SPOCK1: variants seen among roughly 807,000 people sequenced by gnomAD.
SPOCK1 encodes the protein SPARC (osteonectin), cwcv and kazal like domains proteoglycan 1.
SPOCK1 carries 23 observed loss-of-function variants against 55.3 expected under a neutral mutation model. The observed-to-expected ratio is 0.42, with a 90% confidence interval of 0.30 to 0.59. SPOCK1 has a LOEUF of 0.59. SPOCK1 is among the 20% of genes least tolerant of loss of function. SPOCK1 has a pLI of 0.22. For missense variants in SPOCK1, 499 were observed against 552.5 expected, an observed-to-expected ratio of 0.90 and a Z score of 0.97; for synonymous variants, 226 against 221.0, an observed-to-expected ratio of 1.02 and a Z score of -0.20.
intron 3 of SPOCK1, 103 bp downstream of exon 3, chr5:137,266,907 C>T (rs1756866124): frequency 4.1e-6 from 4 of 986,780 alleles, no homozygotes; most frequent in Non-Finnish European, 6.2e-6. Context: ...TAAAATAACA[C>T]CGCTAGCTGG....
intron 4 of SPOCK1, among the ~76,000 whole-genome samples, chr5:137,114,104 CCCACA>C (rs1753528785): frequency 1.3e-5 from 2 of 152,200 alleles, no homozygotes; most frequent in African/African-American, 2.4e-5. Flanking sequence ...TCAACAGGTA[CCCACA>C]GCACAGCACA....
At chr5:137,032,718 G>T (rs1751804975) in intron 6 of SPOCK1, among the ~76,000 whole-genome samples, 1 of 152,160 alleles carries the variant, frequency 6.6e-6, no homozygotes, top group Admixed American at 6.5e-5. Context: ...AAGTAGCTGA[G>T]GATTTAGCCA....
chr5:137,122,117 A>G (rs886282897), intron 4 of SPOCK1, among the ~76,000 whole-genome samples: 2 of 151,958 alleles, frequency 1.3e-5, no homozygotes, highest in Non-Finnish European at 2.9e-5. Flanking sequence ...TTCCATTAAG[A>G]GAGTGACAGA....
At chr5:137,401,558 C>CAAAAAAAAAAAA in intron 2 of SPOCK1, among the ~76,000 whole-genome samples, 1 of 100,450 alleles carries the variant, frequency 1.0e-5, no homozygotes, top group Non-Finnish European at 1.9e-5. Flanking sequence ...CTCATCTCTA[C>CAAAAAAAAAAAA]AAAAAAAAAA....
rs115083754 is a variant in SPOCK1 at position 137,063,837 on chromosome 5, G to A, written c.589+3878C>T. 5.1e-3 allele frequency among the ~76,000 whole-genome samples: 774 copies of A among 152,288 alleles called. 5 individuals carry two copies. Among genetic ancestry groups the A allele is most frequent in the African/African-American group, 0.018 (748 of 41,558 alleles). ...ACTGTACTCTGCATTGAATAGAAAC[G>A]GTTGCCAGGCACCTCTAAAAGAACC... On this transcript the variant is annotated intron_variant, in intron 6 of 10. Coordinates refer to ENST00000394945, the MANE Select transcript of SPOCK1 (RefSeq NM_004598.4).
rs1438247070 is a variant in SPOCK1, at chr5:137,435,777, C to T, written c.186+62596G>A. Among the ~76,000 whole-genome samples, 10 of 151,134 alleles carry T rather than the reference C, an allele frequency of 6.6e-5. No individual in the cohort carries two copies. In the South Asian group the frequency reaches 1.9e-3, roughly 28 times the overall value. On this transcript the variant is annotated intron_variant, in intron 2 of 10. Transcript: ENST00000394945. ...TATTTCTATATTAACAAAATTAATG[C>T]TTTGTTGCATGTGTTTTTCTTAGAT...
chr5:137,449,534 C>G (rs528784306), intron 2 of SPOCK1, among the ~76,000 whole-genome samples: 1 of 152,214 alleles, frequency 6.6e-6, no homozygotes, highest in Admixed American at 6.5e-5. Context: ...AATTTTAGAG[C>G]CTCTTGCCTC....
At chr5:137,303,731 G>A (rs1244795234) in intron 2 of SPOCK1, among the ~76,000 whole-genome samples, 2 of 152,198 alleles carry the variant, frequency 1.3e-5, no homozygotes, top group Non-Finnish European at 2.9e-5. Flanking sequence ...GGGAACCTAG[G>A]AGTGGGCTCC....
intron 2 of SPOCK1, among the ~76,000 whole-genome samples, chr5:137,361,057 C>CCCATTAAGG (rs1400898274): frequency 6.6e-6 from 1 of 152,010 alleles, no homozygotes; most frequent in East Asian, 1.9e-4. Flanking sequence ...AGGGTGCTGC[C>CCCATTAAGG]CCATTAAGGG....
Position 137,383,145 on chromosome 5 carries a change from G to T in SPOCK1, c.186+115228C>A, listed in dbSNP as rs114433575. ...GAGTCCTTAGATTAGTCACTTAAGA[G>T]TTAAGCCCTCAAACCCTTTTTCCTA... On this transcript the variant is annotated intron_variant, in intron 2 of 10. Transcript: ENST00000394945. Among the ~76,000 whole-genome samples the T allele has an allele frequency of 3.8e-3, 571 of 152,210 alleles. 6 individuals are homozygous for T. The highest frequency in any genetic ancestry group is 0.013 in the African/African-American group (544 of 41,522).
At chr5:137,498,610 G>T in intron 1 of SPOCK1, 52 bp from the exon 2 acceptor site, 3 of 1,255,762 alleles carry the variant, frequency 2.4e-6, no homozygotes, top group Middle Eastern at 3.1e-4. Flanking sequence ...GCGGCCGCGA[G>T]CCCCGGGCAC....
chr5:137,062,166 C>A (rs1335116439), intron 6 of SPOCK1, among the ~76,000 whole-genome samples: 1 of 152,156 alleles, frequency 6.6e-6, no homozygotes, highest in African/African-American at 2.4e-5. Flanking sequence ...AGGCCCCACC[C>A]ATTTGGCCTT....
chr5:137,098,727 G>A (rs1753202862), intron 5 of SPOCK1, among the ~76,000 whole-genome samples: 1 of 152,172 alleles, frequency 6.6e-6, no homozygotes, highest in Non-Finnish European at 1.5e-5. Context: ...TCCCTCACCT[G>A]CACTGACCAT....
chr5:137,163,669 C>A (rs1754599452), intron 3 of SPOCK1, among the ~76,000 whole-genome samples: 1 of 152,142 alleles, frequency 6.6e-6, no homozygotes, highest in Non-Finnish European at 1.5e-5. Flanking sequence ...AATAATTAGT[C>A]CAAGTTAGCG....
intron 6 of SPOCK1, among the ~76,000 whole-genome samples, chr5:137,033,956 A>G (rs1751831613): frequency 6.6e-6 from 1 of 152,188 alleles, no homozygotes; most frequent in African/African-American, 2.4e-5. Context: ...GTGTTTTATA[A>G]TAGTATCATC....
At chr5:137,067,601 T>G (rs1216822038) in intron 6 of SPOCK1, 114 bp downstream of exon 6, 1 of 850,908 alleles carries the variant, frequency 1.2e-6, no homozygotes, top group Non-Finnish European at 1.9e-6. Context: ...TTACCTGTCA[T>G]GTCTGCTCAT....
chr5:137,176,502 ATGTGTGTGTGTG>A, intron 3 of SPOCK1, among the ~76,000 whole-genome samples: 1 of 150,414 alleles, frequency 6.6e-6, no homozygotes, highest in Non-Finnish European at 1.5e-5. Flanking sequence ...CCCCACCACA[ATGTGTGTGTGTG>A]TGTGTGTGTG....
chr5:137,017,413 A>C (rs971805188), intron 6 of SPOCK1, among the ~76,000 whole-genome samples: 3 of 152,266 alleles, frequency 2.0e-5, no homozygotes, highest in Non-Finnish European at 4.4e-5. Flanking sequence ...AAAGAAAACA[A>C]GAATAATAAT....
chr5:136,978,754 TTTGGTCCC>T lies in SPOCK1; in HGVS notation c.1212_1219del (p.Pro406GlnfsTer16), dbSNP rs769789887. 1 of 1,614,102 alleles carries T rather than the reference TTTGGTCCC, an allele frequency of 6.2e-7. No individual in the cohort carries two copies. Among genetic ancestry groups the T allele is most frequent in the South Asian group, 1.1e-5 (1 of 91,076 alleles). On this transcript the variant is annotated frameshift_variant, in exon 11 of 11. Coordinates refer to ENST00000394945, the MANE Select transcript of SPOCK1 (RefSeq NM_004598.4). LOFTEE classifies it high-confidence loss of function. Reference sequence around the variant, plus strand: ...CACCCTCAGCTTCCCCTCTTTGTCCTTTGGTCCCAGCTCCCGTTCATATTCTAGGTCAT... The same window carrying T: ...CACCCTCAGCTTCCCCTCTTTGTCCTAGCTCCCGTTCATATTCTAGGTCAT...
Sources: allele counts gnomAD v4.1 joint callset (sites outside exome capture counted in the v4.1 genomes callset), GRCh38; gene constraint gnomAD v4.1.1; transcripts MANE v1.5; gene names NCBI Gene and HGNC (gene_info 2026-07-23, HGNC 2026-07-21).